Variants in NPAS2 observed in about 807,000 individuals in gnomAD.
The protein encoded by NPAS2 is neuronal PAS domain protein 2.
A neutral mutation model predicts 107.5 loss-of-function variants in NPAS2; 23 were observed. The observed-to-expected ratio is 0.21, with a 90% CI of 0.15 to 0.30. The LOEUF (loss-of-function observed/expected upper bound fraction) is 0.30, where lower values mean the gene tolerates loss of function less well. Ranked by LOEUF, NPAS2 falls within the 10% of genes least tolerant of loss-of-function variation. The pLI is 1.00. For missense variants in NPAS2, 756 were observed against 1,043.3 expected (o/e 0.72, Z 3.79); for synonymous variants, 403 against 417.5 (o/e 0.97, Z 0.42).
chr2:100,835,460 C>T (rs1676998479), intron 1 of NPAS2, among the ~76,000 whole-genome samples: 1 of 152,116 alleles, frequency 6.6e-6, no homozygotes, highest in Non-Finnish European at 1.5e-5. Context: ...AGTTTGGTGT[C>T]CGTGCTCGAC....
chr2:100,859,535 G>A (rs993402488), intron 1 of NPAS2, among the ~76,000 whole-genome samples: 13 of 152,312 alleles, frequency 8.5e-5, no homozygotes, highest in South Asian at 8.3e-4. Context: ...GTGGCCCTTC[G>A]AGGAAGTGGA....
chr2:100,952,545 C>A (rs1297171647), intron 7 of NPAS2, among the ~76,000 whole-genome samples: 3 of 151,240 alleles, frequency 2.0e-5, no homozygotes, highest in African/African-American at 7.3e-5. Flanking sequence ...GCCTGGGCAA[C>A]AAGAGCAAAA....
At chr2:100,869,701 G>A (rs1027594862) in intron 1 of NPAS2, among the ~76,000 whole-genome samples, 9 of 152,168 alleles carry the variant, frequency 5.9e-5, no homozygotes, top group African/African-American at 1.2e-4. Flanking sequence ...CTTTGAGGTC[G>A]AGCTTTACAA....
Position 100,965,645 on chromosome 2 carries a change from C to G in NPAS2, c.801-15C>G. On this transcript the variant is annotated splice_polypyrimidine_tract_variant and intron_variant, in intron 9 of 20. Transcript: ENST00000335681. This position sits in a 1 kb window ranked among gnomAD's most constrained non-coding sequence, Gnocchi z 4.3. The stretch of plus-strand genomic sequence containing the variant: ...GTCTCCTCCCTGATGACAAGTCCTC[C>G]TTGTCCTTGTGCAGAGCACCTCCAA... 1 of 1,589,342 alleles carries G rather than the reference C, an allele frequency of 6.3e-7. No individual in the cohort carries two copies. The highest frequency in any genetic ancestry group is 8.6e-7 in the Non-Finnish European group (1 of 1,157,898).
chr2:100,951,107 C>T (rs1041526139), intron 7 of NPAS2, among the ~76,000 whole-genome samples: 2 of 152,050 alleles, frequency 1.3e-5, no homozygotes, highest in African/African-American at 2.4e-5. Flanking sequence ...AGGAATGTGC[C>T]GTTGGGGAGT....
intron 3 of NPAS2, 127 bp downstream of exon 3, chr2:100,925,421 T>G: frequency 1.0e-6 from 1 of 986,410 alleles, no homozygotes; most frequent in Non-Finnish European, 1.5e-6. Flanking sequence ...GGTCGAGGGC[T>G]TCCCATTGTA....
chr2:100,883,151 A>G (rs72627424), intron 1 of NPAS2, among the ~76,000 whole-genome samples: 10,185 of 152,266 alleles, frequency 0.067, 765 homozygotes, highest in East Asian at 0.35. Context: ...ATGACCCACA[A>G]GTGTAGCTAT....
At chr2:100,824,304 G>A (rs186992591) in intron 1 of NPAS2, among the ~76,000 whole-genome samples, 2 of 152,356 alleles carry the variant, frequency 1.3e-5, no homozygotes, top group East Asian at 3.9e-4. Flanking sequence ...TTGGGAGCAT[G>A]CTTATCTCCA....
chr2:100,971,481 A>G (rs931475480), intron 12 of NPAS2, among the ~76,000 whole-genome samples: 8 of 152,082 alleles, frequency 5.3e-5, no homozygotes, highest in African/African-American at 1.9e-4. Flanking sequence ...GAGGAATTCC[A>G]GAGTCCCTGG....
rs141280185 is a variant in NPAS2, at chr2:100,977,872, G to A, written c.1482+73G>A. 1,821 of 1,281,540 alleles carry A rather than the reference G, an allele frequency of 1.4e-3. 22 individuals are homozygous for A. The highest frequency in any genetic ancestry group is 2.4e-4 in the Non-Finnish European group (209 of 883,314). 79.4% of individuals were successfully genotyped at this position (1,281,540 alleles called of 1,614,324 possible). On this transcript the variant is annotated intron_variant, in intron 15 of 20. Transcript: ENST00000335681. ...CGCAGTGTGCTGCGCTGATGGTCTT[G>A]TACACTTAGGTCCCAACCAAGGCCC...
chr2:100,841,676 T>A (rs558214759), intron 1 of NPAS2, among the ~76,000 whole-genome samples: 6 of 152,114 alleles, frequency 3.9e-5, no homozygotes, highest in Non-Finnish European at 5.9e-5. Flanking sequence ...TACACACACA[T>A]ACATACACAC....
intron 1 of NPAS2, among the ~76,000 whole-genome samples, chr2:100,841,855 G>A (rs61412781): frequency 0.53 from 79,886 of 151,968 alleles, 21,376 homozygotes; most frequent in East Asian, 0.64. Flanking sequence ...CATGCACAGC[G>A]TATACACATG....
chr2:100,849,298 T>C (rs1677996524), intron 1 of NPAS2, among the ~76,000 whole-genome samples: 1 of 152,184 alleles, frequency 6.6e-6, no homozygotes, highest in South Asian at 2.1e-4. Flanking sequence ...AAATAGGGTC[T>C]TTAGCTAAAC....
rs757637192 is a variant in NPAS2, at chr2:100,995,489, C to G, written c.2382C>G (p.Pro794=). 3 of 1,613,970 alleles carry G rather than the reference C, an allele frequency of 1.9e-6. No individual in the cohort carries two copies. Among genetic ancestry groups the G allele is most frequent in the Admixed American group, 1.7e-5 (1 of 60,006 alleles). The stretch of plus-strand genomic sequence containing the variant: ...AACAGCCAGGGACCCTGGGCTACCC[C>G]CAACCACCCCCAGCACAGCCCCAGC... ...YSQQPGTLGY[P]QPPPAQPQPL... is the part of the protein sequence containing the mutation. Residue 794 remains proline (P), a synonymous_variant, in exon 21 of 21, where the codon CCC becomes CCG. Transcript: ENST00000335681.
intron 1 of NPAS2, among the ~76,000 whole-genome samples, chr2:100,894,246 T>C (rs948967794): frequency 6.6e-5 from 10 of 152,180 alleles, no homozygotes; most frequent in African/African-American, 2.2e-4. Flanking sequence ...TCAGTTAGAG[T>C]CAACAGATTT....
chr2:100,958,951 A>AT (rs1289942587), intron 7 of NPAS2, among the ~76,000 whole-genome samples: 2 of 152,148 alleles, frequency 1.3e-5, no homozygotes, highest in South Asian at 2.1e-4. Flanking sequence ...CTTTAGAGTC[A>AT]TTTTTTAATC....
chr2:100,883,807 G>A (rs563586109), intron 1 of NPAS2, among the ~76,000 whole-genome samples: 80 of 152,228 alleles, frequency 5.3e-4, no homozygotes, highest in African/African-American at 1.8e-3. Context: ...AGAAACCACA[G>A]TCCAGAAAAG....
chr2:100,923,450 G>C (rs990049379), intron 2 of NPAS2, among the ~76,000 whole-genome samples: 1 of 152,312 alleles, frequency 6.6e-6, no homozygotes, highest in South Asian at 2.1e-4. Context: ...TATGGTCCTC[G>C]TGATGTCTAG....
chr2:100,964,905 G>A lies in NPAS2; in HGVS notation c.762G>A (p.Arg254=). The change falls in exon 9 of 21, where the codon AGG becomes AGA. Residue 254 remains arginine, a synonymous_variant. Coordinates refer to ENST00000335681, the MANE Select transcript of NPAS2 (RefSeq NM_002518.4). ...AACCTTTAGAGGAATTCACTTCAAG[G>A]CATAGCTTGGAATGGAAATTTTTAT... The part of the protein sequence containing the change: ...VDEPLEEFTS[R]HSLEWKFLFL... The A allele has an allele frequency of 6.3e-7, 1 of 1,577,442 alleles. No homozygotes were observed. The highest frequency in any genetic ancestry group is 8.5e-7 in the Non-Finnish European group (1 of 1,170,648).
Sources: gnomAD v4.1 joint callset for allele counts (sites outside exome capture counted in the v4.1 genomes callset) on GRCh38, gnomAD v4.1.1 for gene constraint, Gnocchi (gnomAD v3.1) non-coding constraint, MANE v1.5 for transcripts, NCBI Gene and HGNC (gene_info 2026-07-23, HGNC 2026-07-21) for gene names.